The following NEDD4 variants were observed in gnomAD, a reference collection of about 807,000 sequenced individuals.
NEDD4 encodes NEDD4 E3 ubiquitin protein ligase.
In NEDD4, 99 loss-of-function variants were observed where a neutral mutation model predicts 144.9. That is an observed-to-expected ratio of 0.68 (90% confidence interval 0.58 to 0.81). The LOEUF (loss-of-function observed/expected upper bound fraction) is 0.81, where lower values mean the gene tolerates loss of function less well. Ranked by LOEUF, NEDD4 falls within the 30% of genes least tolerant of loss-of-function variation. The pLI, the probability that NEDD4 is intolerant of heterozygous loss-of-function variation, is 0.00. For synonymous variants in NEDD4, 318 were observed against 350.6 expected, an observed-to-expected ratio of 0.91 and a Z score of 1.04; for missense variants, 985 against 1,065.9, an observed-to-expected ratio of 0.92 and a Z score of 1.06.
intron 12 of NEDD4, 35 bp downstream of exon 12, chr15:55,856,096 A>G: frequency 6.4e-7 from 1 of 1,563,206 alleles, no homozygotes; most frequent in Non-Finnish European, 8.8e-7. Flanking sequence ...TGAGTTTTAT[A>G]TTTTTATTGA....
intron 4 of NEDD4, among the ~76,000 whole-genome samples, chr15:55,937,835 T>G (rs962502587): frequency 1.3e-5 from 2 of 152,150 alleles, no homozygotes; most frequent in Non-Finnish European, 2.9e-5. Flanking sequence ...CTAAAATTCA[T>G]ACAGAACTAC....
intron 5 of NEDD4, among the ~76,000 whole-genome samples, chr15:55,899,587 T>C (rs1484647489): frequency 6.6e-6 from 1 of 152,190 alleles, no homozygotes; most frequent in Non-Finnish European, 1.5e-5. Context: ...ATAAAGCCAT[T>C]GGGATGGGGC....
intron 26 of NEDD4, among the ~76,000 whole-genome samples, chr15:55,833,549 T>C (rs2033058164): frequency 6.6e-6 from 1 of 152,094 alleles, no homozygotes; most frequent in South Asian, 2.1e-4. Context: ...TAATCCCAGC[T>C]ACTCGGGAAG....
At chr15:55,867,021 TTTATG>T (rs748977171) in intron 8 of NEDD4, among the ~76,000 whole-genome samples, 2 of 152,210 alleles carry the variant, frequency 1.3e-5, no homozygotes, top group Non-Finnish European at 2.9e-5. Context: ...CAACCAACAT[TTTATG>T]TTAATTTTGT....
intron 5 of NEDD4, among the ~76,000 whole-genome samples, chr15:55,883,102 G>A (rs1353006445): frequency 2.0e-5 from 3 of 152,196 alleles, no homozygotes; most frequent in Non-Finnish European, 4.4e-5. Context: ...TTGATGCCAA[G>A]GCTCAGTTCT....
Position 55,827,715 on chromosome 15 carries a change from CAT to C in NEDD4, c.*2180_*2181del, listed in dbSNP as rs1397354396. 2.6e-5 allele frequency: 4 copies of C among 152,214 alleles called. No homozygotes were observed. The highest frequency in any genetic ancestry group is 6.5e-5 in the Admixed American group (1 of 15,284). 9.4% of individuals were successfully genotyped at this position (152,214 alleles called of 1,614,324 possible). A position where few individuals can be genotyped will look rare whatever the true frequency, so the allele number is the denominator to read the frequency against. On this transcript the variant is annotated 3_prime_UTR_variant, in exon 29 of 29. Coordinates refer to ENST00000435532, the MANE Select transcript of NEDD4 (RefSeq NM_006154.4). ...GGTAAGATCCATATACAGATATACACATGTGTATCCATATTATTTATATATTT... is the reference window on the plus strand; with the variant it reads ...GGTAAGATCCATATACAGATATACACGTGTATCCATATTATTTATATATTT...
At chr15:55,860,019 C>T (rs187758715) in intron 11 of NEDD4, among the ~76,000 whole-genome samples, 3 of 152,286 alleles carry the variant, frequency 2.0e-5, no homozygotes, top group African/African-American at 7.2e-5. Flanking sequence ...GAGCAAAGTC[C>T]TGCTTCCTAA....
intron 5 of NEDD4, among the ~76,000 whole-genome samples, chr15:55,910,672 T>C (rs2036243010): frequency 6.6e-6 from 1 of 152,160 alleles, no homozygotes; most frequent in Non-Finnish European, 1.5e-5. Context: ...CTTGGTCCTG[T>C]ATGTCCAACT....
At chr15:55,973,519 A>T (rs1296497738) in intron 1 of NEDD4, among the ~76,000 whole-genome samples, 1 of 152,242 alleles carries the variant, frequency 6.6e-6, no homozygotes, top group African/African-American at 2.4e-5. Flanking sequence ...AGCCTGGTCA[A>T]CAGAGTAGCC....
At chr15:55,961,316 A>G (rs1325373978) in intron 2 of NEDD4, among the ~76,000 whole-genome samples, 1 of 152,174 alleles carries the variant, frequency 6.6e-6, no homozygotes, top group African/African-American at 2.4e-5. Flanking sequence ...GCAAAATTAG[A>G]AAAAATTAGA....
chr15:55,865,179 T>C (rs1189866123), intron 8 of NEDD4, among the ~76,000 whole-genome samples: 10 of 119,702 alleles, frequency 8.4e-5, no homozygotes, highest in South Asian at 2.6e-4. Context: ...GCCTGGGCGA[T>C]AGAGCAAGAC....
In NEDD4 at chr15:55,829,689, A is replaced by G. The variant is rs1173477368; in HGVS notation, c.*208T>C. 4 of 471,954 alleles carry G rather than the reference A, an allele frequency of 8.5e-6. No individual in the cohort carries two copies. The highest frequency in any genetic ancestry group is 7.9e-5 in the African/African-American group (4 of 50,864). 29.2% of individuals were successfully genotyped at this position (471,954 alleles called of 1,614,324 possible). A position where few individuals can be genotyped will look rare whatever the true frequency, so the allele number is the denominator to read the frequency against. ...GCAGGCACCTAACTCTAAAGACAGC[A>G]TGAAACAACTGTGTAAATGCAACAC... On this transcript the variant is annotated 3_prime_UTR_variant, in exon 29 of 29. Coordinates refer to ENST00000435532, the MANE Select transcript of NEDD4 (RefSeq NM_006154.4).
Position 55,993,609 on chromosome 15 carries a change from CTG to C in NEDD4, c.-56_-55del, listed in dbSNP as rs2038027166. 6.3e-6 allele frequency: 10 copies of C among 1,576,562 alleles called. No individual in the cohort carries two copies. In the South Asian group the frequency reaches 1.1e-4, roughly 18 times the overall value. On this transcript the variant is annotated 5_prime_UTR_variant, in exon 1 of 29. Coordinates refer to ENST00000435532, the MANE Select transcript of NEDD4 (RefSeq NM_006154.4). ...GCTCGCCCCCGCCCAGGGCAGGCAA[CTG>C]TGGAGGAGGAGGAGGAGAAGCGGGA...
intron 6 of NEDD4, among the ~76,000 whole-genome samples, chr15:55,873,376 CTGTT>C (rs2034874630): frequency 3.3e-5 from 5 of 152,292 alleles, no homozygotes; most frequent in Admixed American, 3.3e-4. Flanking sequence ...TATCAAAACT[CTGTT>C]TGTCCAAAAA....
At chr15:55,882,974 G>A (rs55924913) in intron 5 of NEDD4, among the ~76,000 whole-genome samples, 20,126 of 152,118 alleles carry the variant, frequency 0.13, 1,523 homozygotes, top group East Asian at 0.36. Context: ...TCTCAGCTGT[G>A]TTGGCTATAG....
In NEDD4 at chr15:55,915,201, T is replaced by C. The variant is rs1475941006; in HGVS notation, c.291+9445A>G. On this transcript the variant is annotated intron_variant, in intron 5 of 28. Transcript: ENST00000435532. ...GGACCAGGAAAATATGTAAAACTGC[T>C]TGGTTACAATAAATGTTCTCCAAAT... 14 of 1,299,018 alleles carry C rather than the reference T, an allele frequency of 1.1e-5. No homozygotes were observed. In the East Asian group the frequency reaches 2.7e-4, roughly 25 times the overall value. 80.5% of individuals were successfully genotyped at this position (1,299,018 alleles called of 1,614,324 possible). A position where few individuals can be genotyped will look rare whatever the true frequency, so the allele number is the denominator to read the frequency against.
chr15:55,988,895 C>G (rs1257330348), intron 1 of NEDD4, among the ~76,000 whole-genome samples: 1 of 152,136 alleles, frequency 6.6e-6, no homozygotes, highest in Non-Finnish European at 1.5e-5. Context: ...GAGAAGAATA[C>G]TGGAGCTCTT....
At chr15:55,993,485 G>T in intron 1 of NEDD4, 26 bp downstream of exon 1, 2 of 1,592,976 alleles carry the variant, frequency 1.3e-6, no homozygotes, top group South Asian at 2.2e-5. Flanking sequence ...AGGGAAGCCC[G>T]CCCCGCAGCC....
chr15:55,855,419 T>G (rs781444970), intron 12 of NEDD4, among the ~76,000 whole-genome samples: 1 of 152,040 alleles, frequency 6.6e-6, no homozygotes, highest in Non-Finnish European at 1.5e-5. Context: ...TAGACAGGAA[T>G]GAAGGCAGCA....
Sources: gnomAD v4.1 joint callset for allele counts (sites outside exome capture counted in the v4.1 genomes callset) on GRCh38, gnomAD v4.1.1 for gene constraint, MANE v1.5 for transcripts, NCBI Gene and HGNC (gene_info 2026-07-23, HGNC 2026-07-21) for gene names.